MAML2: variants seen among roughly 807,000 people sequenced by gnomAD.
MAML2 encodes the protein mastermind-like protein 2.
In MAML2, 22 loss-of-function variants were observed where a neutral mutation model predicts 96.1. The ratio of observed to expected loss-of-function variants is 0.23; its 90% CI spans 0.16 to 0.33. MAML2 has a LOEUF of 0.33. MAML2 is among the 10% of genes least tolerant of loss of function. The pLI, the probability that MAML2 is intolerant of heterozygous loss-of-function variation, is 1.00. For missense variants in MAML2, 1,367 were observed against 1,392.4 expected, an observed-to-expected ratio of 0.98 and a Z score of 0.29; for synonymous variants, 561 against 521.3, an observed-to-expected ratio of 1.08 and a Z score of -1.04.
At chr11:96,333,397 G>C (rs1466473562) in intron 1 of MAML2, among the ~76,000 whole-genome samples, 1 of 151,756 alleles carries the variant, frequency 6.6e-6, no homozygotes, top group Non-Finnish European at 1.5e-5. Flanking sequence ...TCTTTGCTCT[G>C]AGTTTGGACA....
intron 2 of MAML2, among the ~76,000 whole-genome samples, chr11:96,034,307 C>A (rs1328156256): frequency 6.6e-6 from 1 of 152,000 alleles, no homozygotes; most frequent in Non-Finnish European, 1.5e-5. Context: ...TGACTAACAA[C>A]CAATCCAGGA....
At chr11:96,306,529 G>T (rs1269157356) in intron 1 of MAML2, among the ~76,000 whole-genome samples, 1 of 152,154 alleles carries the variant, frequency 6.6e-6, no homozygotes, top group Admixed American at 6.5e-5. Context: ...AAACCTCAAA[G>T]AAAACTCCTT....
chr11:96,316,599 T>TA (rs1241382653), intron 1 of MAML2, among the ~76,000 whole-genome samples: 2 of 152,104 alleles, frequency 1.3e-5, no homozygotes, highest in East Asian at 3.9e-4. Flanking sequence ...ACAACTTCTG[T>TA]GTAGTAAGCA....
intron 2 of MAML2, among the ~76,000 whole-genome samples, chr11:96,053,873 T>A (rs1590984123): frequency 6.6e-6 from 1 of 152,206 alleles, no homozygotes; most frequent in Non-Finnish European, 1.5e-5. Context: ...ATCTGTTTGG[T>A]ATTTTGTCTG....
At chr11:96,049,625 C>CT (rs1858959277) in intron 2 of MAML2, among the ~76,000 whole-genome samples, 1 of 152,152 alleles carries the variant, frequency 6.6e-6, no homozygotes, top group East Asian at 1.9e-4. Context: ...TCTCTCTGAG[C>CT]TTTGGTTTTT....
chr11:96,038,128 A>T (rs536829750), intron 2 of MAML2, among the ~76,000 whole-genome samples: 32 of 152,332 alleles, frequency 2.1e-4, no homozygotes, highest in Non-Finnish European at 4.0e-4. Context: ...AATCTGAGGA[A>T]CATGCTCCAC....
At chr11:96,308,072 T>C (rs1863489834) in intron 1 of MAML2, among the ~76,000 whole-genome samples, 1 of 152,146 alleles carries the variant, frequency 6.6e-6, no homozygotes, top group Non-Finnish European at 1.5e-5. Flanking sequence ...AATTCTAGAC[T>C]CAGGCCTTAC....
chr11:96,157,280 G>A (rs549981866), intron 1 of MAML2, among the ~76,000 whole-genome samples: 1 of 152,366 alleles, frequency 6.6e-6, no homozygotes, highest in South Asian at 2.1e-4. Context: ...CCTACTTGAT[G>A]TTCTCATGTC....
chr11:96,304,564 GC>G (rs1325807328), intron 1 of MAML2, among the ~76,000 whole-genome samples: 4 of 152,134 alleles, frequency 2.6e-5, no homozygotes, highest in Non-Finnish European at 5.9e-5. Flanking sequence ...CCTGAGAGTG[GC>G]ACCCAGGTTT....
intron 1 of MAML2, among the ~76,000 whole-genome samples, chr11:96,176,587 TG>T (rs1861391605): frequency 6.6e-6 from 1 of 152,062 alleles, no homozygotes; most frequent in Admixed American, 6.5e-5. Context: ...AACACAGCTC[TG>T]GTCCTGTGAG....
chr11:96,137,149 G>A (rs973183154), intron 1 of MAML2, among the ~76,000 whole-genome samples: 4 of 152,148 alleles, frequency 2.6e-5, no homozygotes, highest in African/African-American at 9.7e-5. Flanking sequence ...GGGTTAAAAG[G>A]GAAGGAAATG....
chr11:96,231,381 A>G (rs1193732392), intron 1 of MAML2, among the ~76,000 whole-genome samples: 2 of 152,230 alleles, frequency 1.3e-5, no homozygotes, highest in East Asian at 3.8e-4. Flanking sequence ...TGCTTGTTTC[A>G]TAAATGTGGG....
chr11:96,269,207 A>T (rs1442239304), intron 1 of MAML2, among the ~76,000 whole-genome samples: 1 of 144,736 alleles, frequency 6.9e-6, no homozygotes, highest in African/African-American at 2.7e-5. Flanking sequence ...TGGTGGGCAT[A>T]CTGCATCAGG....
At chr11:96,336,442 G>A (rs1863922100) in intron 1 of MAML2, among the ~76,000 whole-genome samples, 1 of 152,118 alleles carries the variant, frequency 6.6e-6, no homozygotes. Flanking sequence ...AAGTAAGCAG[G>A]GACAATGTCT....
intron 1 of MAML2, among the ~76,000 whole-genome samples, chr11:96,147,315 A>G (rs1341228508): frequency 6.6e-6 from 1 of 152,236 alleles, no homozygotes; most frequent in Non-Finnish European, 1.5e-5. Context: ...AGGTCCCTAC[A>G]TGACTGTAAT....
At chr11:96,033,401 A>C (rs760980381) in intron 2 of MAML2, among the ~76,000 whole-genome samples, 22 of 152,218 alleles carry the variant, frequency 1.4e-4, no homozygotes, top group Non-Finnish European at 1.5e-4. Context: ...TATCTACCAC[A>C]GTGCCTGTTA....
At chr11:96,065,633 G>A (rs544443481) in intron 2 of MAML2, among the ~76,000 whole-genome samples, 1 of 152,148 alleles carries the variant, frequency 6.6e-6, no homozygotes, top group Non-Finnish European at 1.5e-5. Flanking sequence ...TATATGCCAG[G>A]AACTACAGTA....
At chr11:96,290,995 A>T (rs1231097164) in intron 1 of MAML2, among the ~76,000 whole-genome samples, 1 of 151,632 alleles carries the variant, frequency 6.6e-6, no homozygotes, top group African/African-American at 2.4e-5. Flanking sequence ...TCTAGAGGTG[A>T]ATCTGTCTAA....
At chr11:96,147,065 T>C (rs563351180) in intron 1 of MAML2, among the ~76,000 whole-genome samples, 3 of 152,380 alleles carry the variant, frequency 2.0e-5, no homozygotes, top group South Asian at 2.1e-4. Flanking sequence ...TACCCACTTA[T>C]GAGTTAGTGT....
Sources: gnomAD v4.1 joint callset for allele counts (sites outside exome capture counted in the v4.1 genomes callset) on GRCh38, gnomAD v4.1.1 for gene constraint, MANE v1.5 for transcripts, NCBI Gene and HGNC (gene_info 2026-07-23, HGNC 2026-07-21) for gene names.